The following CLCA1 variants were observed in gnomAD, a reference collection of about 807,000 sequenced individuals.
CLCA1 encodes the protein calcium-activated chloride channel regulator 1.
In CLCA1, 59 loss-of-function variants were observed where a neutral mutation model predicts 85.6. That is an observed-to-expected ratio of 0.69 (90% CI 0.56 to 0.86). The LOEUF is 0.86. Ranked by LOEUF, CLCA1 falls within the 40% of genes least tolerant of loss-of-function variation. The probability of loss-of-function intolerance (pLI) is 0.00; values close to 1 mark genes in which losing one functional copy is unlikely to be tolerated. For synonymous variants in CLCA1, 396 were observed against 398.3 expected (o/e 0.99, Z 0.07); for missense variants, 1,022 against 1,101.4 (o/e 0.93, Z 1.02).
At chr1:86,473,904 T>C (rs754465249) in intron 3 of CLCA1, 28 bp downstream of exon 3, 3 of 1,549,476 alleles carry the variant, frequency 1.9e-6, no homozygotes, top group African/African-American at 1.4e-5. Flanking sequence ...ATACTTCTCA[T>C]ACAATTTAAC....
At position 86,471,119 on chromosome 1, in the gene CLCA1, G is replaced by A. The variant is rs1647487369; in HGVS notation, c.162+1986G>A. On this transcript the variant is annotated intron_variant, in intron 1 of 13. Coordinates refer to ENST00000394711, the MANE Select transcript of CLCA1 (RefSeq NM_001285.4). ...CTCGTGTGCACACACACACGCCCAT[G>A]CACACACGCAGACATACACGCACAC... Among the ~76,000 whole-genome samples, 3 of 152,178 alleles carry A rather than the reference G, an allele frequency of 2.0e-5. No individual in the cohort carries two copies. In the South Asian group the frequency reaches 6.2e-4, roughly 32 times the overall value.
At chr1:86,481,880 T>G (rs1647831680) in intron 4 of CLCA1, among the ~76,000 whole-genome samples, 1 of 152,196 alleles carries the variant, frequency 6.6e-6, no homozygotes, top group South Asian at 2.1e-4. Flanking sequence ...AGAGGGCTCT[T>G]GACCTGCTAG....
intron 3 of CLCA1, among the ~76,000 whole-genome samples, chr1:86,474,567 G>A (rs78690757): frequency 3.2e-4 from 27 of 84,848 alleles, no homozygotes; most frequent in East Asian, 4.9e-4. Flanking sequence ...AAAAAAAAAA[G>A]GGGGGGGATT....
chr1:86,471,147 G>A (rs1190679530), intron 1 of CLCA1, among the ~76,000 whole-genome samples: 1 of 151,740 alleles, frequency 6.6e-6, no homozygotes, highest in Non-Finnish European at 1.5e-5. Flanking sequence ...ACGCACACAC[G>A]CACGTCAGAA....
intron 4 of CLCA1, among the ~76,000 whole-genome samples, chr1:86,478,631 C>A (rs1161072449): frequency 6.6e-6 from 1 of 152,218 alleles, no homozygotes; most frequent in Non-Finnish European, 1.5e-5. Flanking sequence ...TTTCCCAGTT[C>A]TCTTTCCTAA....
Position 86,486,850 on chromosome 1 carries a change from A to G in CLCA1, c.1182+97A>G, listed in dbSNP as rs1054260078. 2.6e-5 allele frequency: 27 copies of G among 1,023,722 alleles called. No homozygotes were observed. In the African/African-American group the frequency reaches 3.3e-4, roughly 13 times the overall value. 63.4% of individuals were successfully genotyped at this position (1,023,722 alleles called of 1,614,324 possible). A position where few individuals can be genotyped will look rare whatever the true frequency, so the allele number is the denominator to read the frequency against. ...TGTTTCCATACATGCCTAGGGTCCA[A>G]CTGGATGAGATAACCAAGGAGCAAT... On this transcript the variant is annotated intron_variant, in intron 7 of 13. Transcript: ENST00000394711.
intron 3 of CLCA1, among the ~76,000 whole-genome samples, chr1:86,474,387 T>C (rs5744327): frequency 6.6e-6 from 1 of 152,150 alleles, no homozygotes; most frequent in African/African-American, 2.4e-5. Flanking sequence ...ACCCCGTCTC[T>C]ACTAAAAATA....
chr1:86,499,949 T>G lies in CLCA1; in HGVS notation c.2649T>G (p.Pro883=), dbSNP rs749605060. Residue 883 remains proline (P), a synonymous_variant, in exon 14 of 14, where the codon CCT becomes CCG. Transcript: ENST00000394711. The stretch of plus-strand genomic sequence containing the variant: ...CTAGTCCTGATGAAACGTCTGCTCC[T>G]TGTCCTAATATTCATATCAACAGCA... ...ETPSPDETSA[P]CPNIHINSTI... The G allele has an allele frequency of 4.3e-6, 7 of 1,613,350 alleles. No individual in the cohort carries two copies. The African/African-American group carries it at 9.3e-5, about 22-fold the overall frequency.
chr1:86,490,583 C>T (rs1309058598), intron 8 of CLCA1, among the ~76,000 whole-genome samples: 7 of 152,012 alleles, frequency 4.6e-5, no homozygotes, highest in South Asian at 4.1e-4. Flanking sequence ...AAGAGTAAAT[C>T]GATAGTCCTG....
At chr1:86,480,056 C>T (rs866496816) in intron 4 of CLCA1, among the ~76,000 whole-genome samples, 2 of 152,172 alleles carry the variant, frequency 1.3e-5, no homozygotes, top group South Asian at 2.1e-4. Context: ...ATTGGATGGA[C>T]TCTTTAAAGA....
rs776674689 is a variant in CLCA1 at position 86,498,718 on chromosome 1, G to A, written c.2260G>A (p.Gly754Ser). ...NAPIPDLFPP[G>S]QITDLKAEIH... ...TCCCATACCTGATCTCTTCCCACCT[G>A]GCCAAATCACCGACCTGAAGGCGGA... The change falls in exon 13 of 14, where the codon GGC (glycine) becomes AGC (serine). Residue 754 changes from glycine (G) to serine (S), a missense_variant. Physicochemically the swap from Gly to Ser is moderately conservative, Grantham distance 56. Coordinates refer to ENST00000394711, the MANE Select transcript of CLCA1 (RefSeq NM_001285.4). 6.2e-7 allele frequency: 1 copy of A among 1,614,006 alleles called. No homozygotes were observed. Among genetic ancestry groups the A allele is most frequent in the South Asian group, 1.1e-5 (1 of 91,070 alleles).
chr1:86,489,080 A>G lies in CLCA1; in HGVS notation c.1267A>G (p.Asn423Asp). The G allele has an allele frequency of 6.2e-7, 1 of 1,614,144 alleles. No homozygotes were observed. Among genetic ancestry groups the G allele is most frequent in the South Asian group, 1.1e-5 (1 of 91,082 alleles). The part of the protein sequence containing the change: ...GEDNTISGCF[N>D]EVKQSGAIIH... ...AGACAACACTATAAGTGGGTGCTTT[A>G]ACGAGGTCAAACAAAGTGGTGCCAT... The change falls in exon 8 of 14, where the codon AAC (asparagine) becomes GAC (aspartate). Residue 423 changes from asparagine (N) to aspartate (D), a missense_variant. Transcript: ENST00000394711.
intron 12 of CLCA1, among the ~76,000 whole-genome samples, chr1:86,498,204 AAGG>A (rs1230304947): frequency 2.0e-5 from 3 of 151,054 alleles, no homozygotes; most frequent in Non-Finnish European, 4.4e-5. Flanking sequence ...GGAAGGAAGG[AAGG>A]AAAAAACAGA....
intron 5 of CLCA1, among the ~76,000 whole-genome samples, chr1:86,483,745 T>C (rs1313977038): frequency 2.0e-5 from 3 of 152,152 alleles, no homozygotes; most frequent in Non-Finnish European, 4.4e-5. Flanking sequence ...ATATTGAGTT[T>C]TTGTTATGTG....
At chr1:86,489,209 CCTACTGGACTGTGAGCTCCAGTGAA>C in intron 8 of CLCA1, 39 bp downstream of exon 8, 2 of 1,580,874 alleles carry the variant, frequency 1.3e-6, no homozygotes, top group Non-Finnish European at 1.7e-6. Flanking sequence ...TATTGTCTCT[CCTACTGGACTGTGAGCTCCAGTGAA>C]CTGGGGAGTG....
intron 4 of CLCA1, among the ~76,000 whole-genome samples, chr1:86,477,659 C>T (rs1422487899): frequency 6.6e-6 from 1 of 152,148 alleles, no homozygotes; most frequent in Non-Finnish European, 1.5e-5. Context: ...TAGTAAATTA[C>T]ATCTGGCAAA....
Position 86,486,542 on chromosome 1 carries a change from A to G in CLCA1, c.971A>G (p.Asn324Ser). The G allele has an allele frequency of 6.2e-7, 1 of 1,614,038 alleles. No homozygotes were observed. ...TCCATTTAGACTGGTAACCGCCTCA[A>G]TCGACTGAATCAAGCAGGCCAGCTT... is the stretch of plus-strand genomic sequence containing the variant. ...SGSMATGNRL[N>S]RLNQAGQLFL... is the part of the protein sequence containing the mutation. The change falls in exon 7 of 14, where the codon AAT (asparagine) becomes AGT (serine). Residue 324 changes from asparagine (N) to serine (S), a missense_variant. Physicochemically the swap from Asn to Ser is conservative, Grantham distance 46 (BLOSUM62 1). Transcript: ENST00000394711.
At chr1:86,491,218 T>C (rs764307332) in intron 8 of CLCA1, 47 bp from the exon 9 acceptor site, 1 of 1,396,358 alleles carries the variant, frequency 7.2e-7, no homozygotes, top group South Asian at 1.2e-5. Context: ...ATGTTGCAAA[T>C]AGTTGCTTTC....
Position 86,494,121 on chromosome 1 carries a change from A to G in CLCA1, c.1681-66A>G, listed in dbSNP as rs564680680. On this transcript the variant is annotated intron_variant, in intron 10 of 13. Coordinates refer to ENST00000394711, the MANE Select transcript of CLCA1 (RefSeq NM_001285.4). ...ATATCAGAGGGTTTTCCCGTACGTG[A>G]CATTGAAGTCAGGTCTGTGTCACCT... The G allele has an allele frequency of 3.8e-5, 60 of 1,572,564 alleles. No homozygotes were observed. In the African/African-American group the frequency reaches 7.4e-4, roughly 19 times the overall value.
Sources: gnomAD v4.1 joint callset for allele counts (sites outside exome capture counted in the v4.1 genomes callset) on GRCh38, gnomAD v4.1.1 for gene constraint, MANE v1.5 for transcripts, NCBI Gene and HGNC (gene_info 2026-07-23, HGNC 2026-07-21) for gene names.